Variants in CDC14B observed in about 807,000 individuals in gnomAD.
The protein encoded by CDC14B is dual specificity protein phosphatase CDC14B.
Under a neutral mutation model 64.2 loss-of-function variants are expected in CDC14B, and 22 were observed. That is an observed-to-expected ratio of 0.34 (90% confidence interval 0.24 to 0.49). The LOEUF (loss-of-function observed/expected upper bound fraction) is 0.49. CDC14B is among the 20% of genes least tolerant of loss of function. The pLI is 0.99. For synonymous variants in CDC14B, 191 were observed against 215.8 expected (o/e 0.89, Z 1.01); for missense variants, 498 against 629.9 (o/e 0.79, Z 2.24).
chr9:96,604,005 T>A (rs910059111), intron 1 of CDC14B, among the ~76,000 whole-genome samples: 1 of 152,252 alleles, frequency 6.6e-6, no homozygotes, highest in Admixed American at 6.5e-5. Context: ...ATAAAAGACT[T>A]AAAGTGGTTG....
At chr9:96,514,885 G>T in intron 12 of CDC14B, 1 of 985,354 alleles carries the variant, frequency 1.0e-6, no homozygotes, top group Non-Finnish European at 1.2e-6. Flanking sequence ...TCATTTCAAA[G>T]ATGAAAGATC....
chr9:96,520,362 T>G (rs560879948), intron 12 of CDC14B, among the ~76,000 whole-genome samples: 1 of 152,212 alleles, frequency 6.6e-6, no homozygotes, highest in Non-Finnish European at 1.5e-5. Flanking sequence ...TGATTTTACT[T>G]ATTTATTTAG....
intron 1 of CDC14B, among the ~76,000 whole-genome samples, chr9:96,575,274 C>T (rs1201377021): frequency 6.6e-6 from 1 of 152,136 alleles, no homozygotes; most frequent in Non-Finnish European, 1.5e-5. Flanking sequence ...CAGTTGCCTT[C>T]GGATCTAAAT....
chr9:96,561,520 C>T (rs1211839072), intron 4 of CDC14B, among the ~76,000 whole-genome samples: 1 of 152,172 alleles, frequency 6.6e-6, no homozygotes, highest in Non-Finnish European at 1.5e-5. Flanking sequence ...GCTCTGTCGC[C>T]CAGGCTGGAG....
intron 3 of CDC14B, among the ~76,000 whole-genome samples, chr9:96,563,424 G>A (rs960974192): frequency 6.6e-6 from 1 of 152,094 alleles, no homozygotes; most frequent in Non-Finnish European, 1.5e-5. Flanking sequence ...AGGCTGAGGC[G>A]GATGGATCAC....
In CDC14B at chr9:96,572,599, A is replaced by C. The variant is rs113868768; in HGVS notation, c.161-7116T>G. Among the ~76,000 whole-genome samples, 304 of 152,368 alleles carry C rather than the reference A, an allele frequency of 2.0e-3. 5 individuals are homozygous for C. Among genetic ancestry groups the C allele is most frequent in the African/African-American group, 6.6e-3 (273 of 41,586 alleles). ...TATGAACACTCAATTCAGAAAAGAA[A>C]TACAAATGGTCAATAGCATATGAAA... On this transcript the variant is annotated intron_variant, in intron 1 of 13. Transcript: ENST00000375241.
At chr9:96,539,040 G>A in intron 7 of CDC14B, 38 bp downstream of exon 7, 1 of 1,313,618 alleles carries the variant, frequency 7.6e-7, no homozygotes. Context: ...GCTGGGCGGG[G>A]GGAGGAAGAG....
intron 4 of CDC14B, among the ~76,000 whole-genome samples, chr9:96,561,305 A>G (rs1391083039): frequency 1.3e-5 from 2 of 152,260 alleles, no homozygotes; most frequent in Non-Finnish European, 2.9e-5. Flanking sequence ...GAAAATTATT[A>G]AATCTTGAGG....
intron 4 of CDC14B, among the ~76,000 whole-genome samples, chr9:96,559,113 A>AT (rs1408145237): frequency 6.6e-6 from 1 of 152,192 alleles, no homozygotes; most frequent in Non-Finnish European, 1.5e-5. Context: ...TATTTTACAC[A>AT]TTTTTGAAGC....
intron 12 of CDC14B, chr9:96,514,771 G>A (rs1467260937): frequency 1.0e-6 from 1 of 985,374 alleles, no homozygotes; most frequent in African/African-American, 1.7e-5. Flanking sequence ...TGGACCCCGT[G>A]ACACGGACAC....
intron 1 of CDC14B, among the ~76,000 whole-genome samples, chr9:96,596,364 C>CAA (rs113025946): frequency 0.029 from 2,180 of 73,918 alleles, 82 homozygotes; most frequent in African/African-American, 0.084. Flanking sequence ...GACTCCATCT[C>CAA]AAAAAAAAAA....
At chr9:96,576,649 A>AG (rs1844825891) in intron 1 of CDC14B, among the ~76,000 whole-genome samples, 3 of 149,668 alleles carry the variant, frequency 2.0e-5, no homozygotes, top group African/African-American at 7.6e-5. Flanking sequence ...AAAAAAAAAA[A>AG]AAAAGATATA....
intron 1 of CDC14B, among the ~76,000 whole-genome samples, chr9:96,611,102 AAG>A (rs966654463): frequency 1.3e-5 from 2 of 151,866 alleles, no homozygotes; most frequent in Admixed American, 6.6e-5. Flanking sequence ...AAAAAAAAAA[AAG>A]AGAGAGAGAA....
At chr9:96,583,999 T>G (rs1845325595) in intron 1 of CDC14B, among the ~76,000 whole-genome samples, 1 of 152,116 alleles carries the variant, frequency 6.6e-6, no homozygotes, top group African/African-American at 2.4e-5. Flanking sequence ...ATTACAGGCA[T>G]GAGCCACCGC....
At chr9:96,578,474 TGTC>T (rs1844937692) in intron 1 of CDC14B, among the ~76,000 whole-genome samples, 1 of 152,330 alleles carries the variant, frequency 6.6e-6, no homozygotes, top group African/African-American at 2.4e-5. Context: ...TAACCCGTGA[TGTC>T]GTGTGGATTT....
In CDC14B at chr9:96,522,523, T is replaced by G. The variant is rs138584287; in HGVS notation, c.1326A>C (p.Thr442=). 4.5e-5 allele frequency: 73 copies of G among 1,611,922 alleles called. No individual in the cohort carries two copies. In the African/African-American group the frequency reaches 8.4e-4, roughly 19 times the overall value. ...RALKSRRQSK[T]NAIPLTVILQ... ...AGACTCACGTGAGAGGAATAGCGTTTGTTTTGGATTGTCTTCTGCTTTTCA... is the reference window on the plus strand; with the variant it reads ...AGACTCACGTGAGAGGAATAGCGTTGGTTTTGGATTGTCTTCTGCTTTTCA... Residue 442 remains threonine (T), a synonymous_variant, in exon 12 of 14, where the codon ACA becomes ACC. Transcript: ENST00000375241.
chr9:96,588,579 T>C (rs1845592116), intron 1 of CDC14B, among the ~76,000 whole-genome samples: 1 of 152,170 alleles, frequency 6.6e-6, no homozygotes. Flanking sequence ...CTCCACCTCC[T>C]GGGCTCAAGC....
Position 96,523,613 on chromosome 9 carries a change from A to G in CDC14B, c.1059T>C (p.Ile353=), listed in dbSNP as rs754393710. The change falls in exon 10 of 14, where the codon ATT becomes ATC. Residue 353 remains isoleucine, a synonymous_variant. Coordinates refer to ENST00000375241, the MANE Select transcript of CDC14B (RefSeq NM_033331.4). The part of the protein sequence containing the change: ...WVRICRPGSV[I]GPQQQFLVMK... ...TCACCAAAAACTGCTGCTGAGGCCC[A>G]ATCACCGAGCCAGGTCTGCAGATCC... 3 of 1,614,146 alleles carry G rather than the reference A, an allele frequency of 1.9e-6. No homozygotes were observed. The highest frequency in any genetic ancestry group is 3.3e-5 in the Admixed American group (2 of 60,022).
intron 1 of CDC14B, among the ~76,000 whole-genome samples, chr9:96,618,199 C>T (rs1469399578): frequency 6.6e-6 from 1 of 152,200 alleles, no homozygotes; most frequent in African/African-American, 2.4e-5. Context: ...TTAATGTTCT[C>T]GCCACTCCAG....
Sources: allele counts gnomAD v4.1 joint callset (sites outside exome capture counted in the v4.1 genomes callset), GRCh38; gene constraint gnomAD v4.1.1; transcripts MANE v1.5; gene names NCBI Gene and HGNC (gene_info 2026-07-23, HGNC 2026-07-21).